MAN1C1: variants seen among roughly 807,000 people sequenced by gnomAD.
The protein encoded by MAN1C1 is mannosidase alpha class 1C member 1.
In MAN1C1, 49 loss-of-function variants were observed where a neutral mutation model predicts 71.5. That is an observed-to-expected ratio of 0.69 (90% CI 0.54 to 0.87). The LOEUF is 0.87. Ranked by LOEUF, MAN1C1 falls within the 40% of genes least tolerant of loss-of-function variation. MAN1C1 has a pLI of 0.00. For missense variants in MAN1C1, 743 were observed against 835.0 expected, an observed-to-expected ratio of 0.89 and a Z score of 1.36; for synonymous variants, 352 against 343.7, an observed-to-expected ratio of 1.02 and a Z score of -0.27.
Position 25,746,694 on chromosome 1 carries a change from G to A in MAN1C1, c.664G>A (p.Asp222Asn). Reference sequence around the variant, plus strand: ...AGGCCTCAGCGGGGCAACAGTCATTGACTCCCTCGATACCCTCTACCTCAT... The same window carrying A: ...AGGCCTCAGCGGGGCAACAGTCATTAACTCCCTCGATACCCTCTACCTCAT... The part of the protein sequence containing the change: ...FGGLSGATVI[D>N]SLDTLYLMEL... The change falls in exon 3 of 12, where the codon GAC becomes AAC. Residue 222 changes from aspartate (D) to asparagine (N), a missense_variant. Coordinates refer to ENST00000374332, the MANE Select transcript of MAN1C1 (RefSeq NM_020379.4). The surrounding 1 kb of genome is among the most constrained non-coding windows in gnomAD (Gnocchi z 4.0). 6.2e-7 allele frequency: 1 copy of A among 1,613,996 alleles called. No individual in the cohort carries two copies. The highest frequency in any genetic ancestry group is 8.5e-7 in the Non-Finnish European group (1 of 1,179,916).
intron 2 of MAN1C1, among the ~76,000 whole-genome samples, chr1:25,731,153 C>CA (rs1056123558): frequency 1.2e-4 from 18 of 152,164 alleles, no homozygotes; most frequent in African/African-American, 4.1e-4. Context: ...CCCGTCTGTA[C>CA]AAAAAAATTA....
rs898105329 is a variant in MAN1C1, at chr1:25,631,581, C to T, written c.540+13244C>T. ...TGTATATGTTAGACCATCCCTGCAT[C>T]CCTGCTATGAAACCCACTTGATCAT... On this transcript the variant is annotated intron_variant, in intron 1 of 11. Transcript: ENST00000374332. The surrounding 1 kb of genome is among the most constrained non-coding windows in gnomAD (Gnocchi z 4.2). Among the ~76,000 whole-genome samples, 6 of 152,246 alleles carry T rather than the reference C, an allele frequency of 3.9e-5. No individual in the cohort carries two copies. The highest frequency in any genetic ancestry group is 1.2e-4 in the African/African-American group (5 of 41,528).
At chr1:25,658,466 T>G (rs1386028980) in intron 1 of MAN1C1, among the ~76,000 whole-genome samples, 1 of 152,152 alleles carries the variant, frequency 6.6e-6, no homozygotes, top group African/African-American at 2.4e-5. Context: ...GCTTCTTTTT[T>G]TTTAAACGCG....
intron 1 of MAN1C1, among the ~76,000 whole-genome samples, chr1:25,674,880 G>T (rs2046042744): frequency 6.6e-6 from 1 of 152,036 alleles, no homozygotes; most frequent in South Asian, 2.1e-4. Context: ...CTGCAATGTG[G>T]AGAGCAGTGT....
intron 1 of MAN1C1, among the ~76,000 whole-genome samples, chr1:25,650,125 C>T (rs1396076211): frequency 6.6e-6 from 1 of 152,222 alleles, no homozygotes; most frequent in African/African-American, 2.4e-5. Flanking sequence ...CCCATGTCCA[C>T]AGCTCTGCAC....
At position 25,617,402 on chromosome 1, in the gene MAN1C1, C is replaced by A. The variant is rs957987836; in HGVS notation, c.-396C>A. 5.3e-5 allele frequency: 8 copies of A among 150,860 alleles called. No individual in the cohort carries two copies. Among genetic ancestry groups the A allele is most frequent in the African/African-American group, 1.9e-4 (8 of 41,276 alleles). The allele number at this position is 150,860 out of a possible 1,614,324, so 9.3% of individuals were successfully genotyped here. A position where few individuals can be genotyped will look rare whatever the true frequency, so the allele number is the denominator to read the frequency against. On this transcript the variant is annotated 5_prime_UTR_variant, in exon 1 of 12. Coordinates refer to ENST00000374332, the MANE Select transcript of MAN1C1 (RefSeq NM_020379.4). The surrounding 1 kb of genome is among the most constrained non-coding windows in gnomAD (Gnocchi z 5.1). ...GCGGCTTGGTGCGGGCCTGCGGGCG[C>A]CCCTCGGCGCGGACAGCCGGGACGC...
intron 1 of MAN1C1, among the ~76,000 whole-genome samples, chr1:25,666,023 A>T (rs1471067206): frequency 2.0e-5 from 3 of 152,040 alleles, no homozygotes; most frequent in African/African-American, 7.3e-5. Flanking sequence ...AGATGGACTG[A>T]TTGGCATATT....
chr1:25,634,936 G>A lies in MAN1C1; in HGVS notation c.540+16599G>A, dbSNP rs777231530. 2.3e-4 allele frequency among the ~76,000 whole-genome samples: 34 copies of A among 146,492 alleles called. No homozygotes were observed. Among genetic ancestry groups the A allele is most frequent in the Non-Finnish European group, 4.4e-4 (29 of 66,114 alleles). ...TGTTTATGAGGGATATTGGTCTATA[G>A]TTTTTTTTTTTGTAAATCCTTTGTC... On this transcript the variant is annotated intron_variant, in intron 1 of 11. Transcript: ENST00000374332. The surrounding 1 kb of genome is among the most constrained non-coding windows in gnomAD (Gnocchi z 4.6).
At chr1:25,762,050 G>A (rs2047366425) in intron 6 of MAN1C1, among the ~76,000 whole-genome samples, 1 of 151,756 alleles carries the variant, frequency 6.6e-6, no homozygotes, top group African/African-American at 2.4e-5. Flanking sequence ...TGTTGCAAAT[G>A]ACAGAATTTC....
At chr1:25,686,260 C>T (rs551106817) in intron 1 of MAN1C1, among the ~76,000 whole-genome samples, 180 bp from the exon 2 acceptor site, 1 of 152,310 alleles carries the variant, frequency 6.6e-6, no homozygotes, top group African/African-American at 2.4e-5. Flanking sequence ...ATGACCTTCC[C>T]AGCAGCTATA....
chr1:25,715,427 G>A (rs2046667832), intron 2 of MAN1C1, among the ~76,000 whole-genome samples: 1 of 152,218 alleles, frequency 6.6e-6, no homozygotes, highest in Non-Finnish European at 1.5e-5. Flanking sequence ...ATAGGTGGAT[G>A]CTGGGCTGTG....
chr1:25,773,832 G>T (rs962838673), intron 8 of MAN1C1, among the ~76,000 whole-genome samples: 1 of 152,166 alleles, frequency 6.6e-6, no homozygotes, highest in Admixed American at 6.5e-5. Flanking sequence ...TTTGACCCTG[G>T]GTGAAGGCTG....
intron 1 of MAN1C1, among the ~76,000 whole-genome samples, chr1:25,664,489 T>TA (rs922891326): frequency 2.6e-5 from 4 of 152,202 alleles, no homozygotes; most frequent in African/African-American, 9.7e-5. Flanking sequence ...ATAATAGTGG[T>TA]AGGCAAAGGT....
chr1:25,692,285 G>C (rs2046318976), intron 2 of MAN1C1, among the ~76,000 whole-genome samples: 1 of 152,226 alleles, frequency 6.6e-6, no homozygotes, highest in Non-Finnish European at 1.5e-5. Flanking sequence ...GCATTAGCAG[G>C]GGGAAACTGT....
intron 10 of MAN1C1, among the ~76,000 whole-genome samples, chr1:25,781,725 A>T (rs1286765054): frequency 1.6e-4 from 24 of 150,382 alleles, no homozygotes; most frequent in Non-Finnish European, 4.4e-5. Context: ...CATTCCGAGC[A>T]TTGCACTCAG....
intron 1 of MAN1C1, among the ~76,000 whole-genome samples, chr1:25,652,529 A>G (rs750935211): frequency 6.6e-5 from 10 of 152,150 alleles, no homozygotes; most frequent in Non-Finnish European, 1.3e-4. Context: ...CCCTTGGTGC[A>G]TGGCTGGTTA....
In MAN1C1 at chr1:25,769,819, G is replaced by A. The variant is rs1029045018; in HGVS notation, c.1142-1838G>A. On this transcript the variant is annotated intron_variant, in intron 7 of 11. Coordinates refer to ENST00000374332, the MANE Select transcript of MAN1C1 (RefSeq NM_020379.4). This position sits in a 1 kb window ranked among gnomAD's most constrained non-coding sequence, Gnocchi z 4.8. ...CTCATCGCACACCCGGCGGGCACCCGATGGCAAGGGGGGCCCACCACCCAA... is the reference window on the plus strand; with the variant it reads ...CTCATCGCACACCCGGCGGGCACCCAATGGCAAGGGGGGCCCACCACCCAA... Among the ~76,000 whole-genome samples, 2 of 152,208 alleles carry A rather than the reference G, an allele frequency of 1.3e-5. No homozygotes were observed. The highest frequency in any genetic ancestry group is 1.5e-5 in the Non-Finnish European group (1 of 68,032).
At chr1:25,749,166 G>T in intron 3 of MAN1C1, 89 bp from the exon 4 acceptor site, 2 of 1,060,702 alleles carry the variant, frequency 1.9e-6, no homozygotes, top group Non-Finnish European at 2.8e-6. Flanking sequence ...ACAGGTATGG[G>T]AGGAATATCA....
chr1:25,724,603 G>A (rs1423847505), intron 2 of MAN1C1, among the ~76,000 whole-genome samples: 4 of 152,174 alleles, frequency 2.6e-5, no homozygotes, highest in Admixed American at 1.3e-4. Flanking sequence ...GGAAGAGAGT[G>A]GGGAGAGGCA....
Sources: allele counts gnomAD v4.1 joint callset (sites outside exome capture counted in the v4.1 genomes callset), GRCh38; gene constraint gnomAD v4.1.1; non-coding constraint Gnocchi (gnomAD v3.1); transcripts MANE v1.5; gene names NCBI Gene and HGNC (gene_info 2026-07-23, HGNC 2026-07-21).